Variants in STAP1 observed in about 807,000 individuals in gnomAD.
STAP1 encodes the protein signal transducing adaptor family member 1.
Under a neutral mutation model 37.8 loss-of-function variants are expected in STAP1, and 30 were observed. That is an observed-to-expected ratio of 0.79 (90% CI 0.59 to 1.08). The LOEUF (loss-of-function observed/expected upper bound fraction) is 1.08. STAP1 is among the 50% of genes least tolerant of loss of function. The pLI, the probability that STAP1 is intolerant of heterozygous loss-of-function variation, is 0.00. For synonymous variants in STAP1, 130 were observed against 116.0 expected, an observed-to-expected ratio of 1.12 and a Z score of -0.78; for missense variants, 357 against 349.4, an observed-to-expected ratio of 1.02 and a Z score of -0.17.
intron 1 of STAP1, among the ~76,000 whole-genome samples, chr4:67,570,293 G>T (rs1727572493): frequency 6.6e-6 from 1 of 152,010 alleles, no homozygotes; most frequent in South Asian, 2.1e-4. Flanking sequence ...ATTTTTGTTT[G>T]ACTGGAAATG....
Position 67,583,665 on chromosome 4 carries a change from A to G in STAP1, c.622A>G (p.Ser208Gly), listed in dbSNP as rs925717450. 1 of 1,614,030 alleles carries G rather than the reference A, an allele frequency of 6.2e-7. No homozygotes were observed. The highest frequency in any genetic ancestry group is 8.5e-7 in the Non-Finnish European group (1 of 1,179,932). The change falls in exon 6 of 9, where the codon AGT becomes GGT. Residue 208 changes from serine to glycine, a missense_variant. By Grantham distance (56) the Ser-to-Gly change is moderately conservative (BLOSUM62 0). Transcript: ENST00000265404. ...GNMILRPGSD[S>G]RNYSITIRQE... is the part of the protein sequence containing the mutation. Reference sequence around the variant, plus strand: ...TATGATCCTGAGGCCTGGTAGTGACAGTAGAAACTACTCCATCACTATTCG... The same window carrying G: ...TATGATCCTGAGGCCTGGTAGTGACGGTAGAAACTACTCCATCACTATTCG...
Position 67,581,716 on chromosome 4 carries a change from T to G in STAP1, c.530+245T>G, listed in dbSNP as rs12512530. Among the ~76,000 whole-genome samples the G allele has an allele frequency of 0.2, 30,005 of 152,100 alleles. 3,319 individuals carry two copies. The highest frequency in any genetic ancestry group is 0.29 in the Middle Eastern group (85 of 294). On this transcript the variant is annotated intron_variant, in intron 5 of 8. Coordinates refer to ENST00000265404, the MANE Select transcript of STAP1 (RefSeq NM_012108.4). ...CACCCACATCTTTAGAACAAATAGA[T>G]ACTCTTTCCAGAGCTCACGCCTAAA...
At chr4:67,572,571 G>T (rs886555708) in intron 2 of STAP1, among the ~76,000 whole-genome samples, 1 of 152,162 alleles carries the variant, frequency 6.6e-6, no homozygotes, top group Non-Finnish European at 1.5e-5. Flanking sequence ...CTCTCCTGCC[G>T]CAGAGTGTTG....
chr4:67,596,888 G>T (rs1728237606), intron 8 of STAP1, among the ~76,000 whole-genome samples: 1 of 152,216 alleles, frequency 6.6e-6, no homozygotes, highest in African/African-American at 2.4e-5. Context: ...GAGCATAGAG[G>T]TTTGGAAAAT....
At chr4:67,585,612 T>A (rs1727963310) in intron 6 of STAP1, among the ~76,000 whole-genome samples, 1 of 152,258 alleles carries the variant, frequency 6.6e-6, no homozygotes, top group South Asian at 2.1e-4. Context: ...GGTTTCATTA[T>A]TTTTTGTTTA....
At chr4:67,558,956 C>A in intron 1 of STAP1, 27 bp downstream of exon 1, 1 of 1,537,590 alleles carries the variant, frequency 6.5e-7, no homozygotes, top group Non-Finnish European at 8.8e-7. Flanking sequence ...TAATGTTAAA[C>A]CTAAGACTTC....
chr4:67,560,923 AC>A (rs67101713), intron 1 of STAP1, among the ~76,000 whole-genome samples: 21,966 of 152,272 alleles, frequency 0.14, 2,164 homozygotes, highest in Middle Eastern at 0.22. Flanking sequence ...TGCTAGAATT[AC>A]AGGCATGGGC....
chr4:67,577,361 A>C, intron 4 of STAP1, 102 bp downstream of exon 4: 11 of 995,336 alleles, frequency 1.1e-5, no homozygotes, highest in Non-Finnish European at 1.6e-5. Context: ...AAGATATAGC[A>C]ATTGAAAAAG....
chr4:67,571,053 T>C, intron 1 of STAP1, 31 bp from the exon 2 acceptor site: 1 of 1,545,474 alleles, frequency 6.5e-7, no homozygotes, highest in Non-Finnish European at 8.9e-7. Flanking sequence ...TATACACTAA[T>C]GAAATAATGT....
chr4:67,586,712 G>C (rs1727988420), intron 6 of STAP1, among the ~76,000 whole-genome samples: 1 of 152,166 alleles, frequency 6.6e-6, no homozygotes, highest in Non-Finnish European at 1.5e-5. Flanking sequence ...TGGAAAAGGA[G>C]TTCATATCAA....
chr4:67,574,896 A>G (rs1448176022), intron 2 of STAP1, among the ~76,000 whole-genome samples: 1 of 152,176 alleles, frequency 6.6e-6, no homozygotes, highest in Non-Finnish European at 1.5e-5. Flanking sequence ...AAATACTCTC[A>G]CTGTGGCTGA....
At chr4:67,577,647 CTT>C (rs200717823) in intron 4 of STAP1, among the ~76,000 whole-genome samples, 37 of 89,532 alleles carry the variant, frequency 4.1e-4, no homozygotes, top group Non-Finnish European at 8.2e-4. Flanking sequence ...TTCTTTCTTT[CTT>C]TCTTTTTTTT....
chr4:67,571,256 C>T (rs1360368342), intron 2 of STAP1, 101 bp downstream of exon 2: 2 of 771,252 alleles, frequency 2.6e-6, no homozygotes, highest in Non-Finnish European at 4.2e-6. Flanking sequence ...AATAAAGATG[C>T]TCTGGTAAAA....
Position 67,575,501 on chromosome 4 carries a change from G to C in STAP1, c.306+3G>C. The C allele has an allele frequency of 6.3e-7, 1 of 1,598,360 alleles. No homozygotes were observed. Among genetic ancestry groups the C allele is most frequent in the Non-Finnish European group, 8.6e-7 (1 of 1,168,704 alleles). ...CGAAAGAGGAAGTACAACTGAAGGT[G>C]AGCGAGGAGAAACAGTAGTCTGTAA... On this transcript the variant is annotated splice_donor_region_variant and intron_variant, in intron 3 of 8. Coordinates refer to ENST00000265404, the MANE Select transcript of STAP1 (RefSeq NM_012108.4).
At chr4:67,602,877 T>C (rs1191802554) in intron 8 of STAP1, among the ~76,000 whole-genome samples, 1 of 152,018 alleles carries the variant, frequency 6.6e-6, no homozygotes, top group Non-Finnish European at 1.5e-5. Context: ...ATGGTGACCA[T>C]TGTCTGGGTA....
intron 1 of STAP1, among the ~76,000 whole-genome samples, chr4:67,565,181 T>C (rs887840939): frequency 1.3e-5 from 2 of 152,212 alleles, no homozygotes; most frequent in African/African-American, 4.8e-5. Context: ...ATAGGTCAGA[T>C]TGAGAAAGTA....
chr4:67,600,344 T>A (rs186927286), intron 8 of STAP1, among the ~76,000 whole-genome samples: 35 of 152,342 alleles, frequency 2.3e-4, no homozygotes, highest in African/African-American at 8.2e-4. Flanking sequence ...TCTAGTTTTA[T>A]TCCATTGTGG....
At chr4:67,563,075 G>A (rs1370915932) in intron 1 of STAP1, among the ~76,000 whole-genome samples, 2 of 152,002 alleles carry the variant, frequency 1.3e-5, no homozygotes, top group African/African-American at 4.8e-5. Flanking sequence ...CTTAACTGGA[G>A]CTTGCATTGT....
chr4:67,577,171 T>A (rs1727740760), intron 3 of STAP1, 32 bp from the exon 4 acceptor site: 2 of 1,578,658 alleles, frequency 1.3e-6, no homozygotes, highest in African/African-American at 2.7e-5. Context: ...ATTTCCTTCT[T>A]TGGCTTTATC....
Sources: allele counts gnomAD v4.1 joint callset (sites outside exome capture counted in the v4.1 genomes callset), GRCh38; gene constraint gnomAD v4.1.1; transcripts MANE v1.5; gene names NCBI Gene and HGNC (gene_info 2026-07-23, HGNC 2026-07-21).